ARMC3: variants seen among roughly 807,000 people sequenced by gnomAD.
ARMC3 encodes the protein armadillo repeat-containing protein 3.
ARMC3 carries 74 observed loss-of-function variants against 90.3 expected under a neutral mutation model. That is an observed-to-expected ratio of 0.82 (90% confidence interval 0.68 to 0.99). The LOEUF (loss-of-function observed/expected upper bound fraction) is 0.99, where lower values mean the gene tolerates loss of function less well. Ranked by LOEUF, ARMC3 falls within the 50% of genes least tolerant of loss-of-function variation. ARMC3 has a pLI of 0.00. For missense variants in ARMC3, 958 were observed against 1,042.8 expected (o/e 0.92, Z 1.12); for synonymous variants, 334 against 361.8 (o/e 0.92, Z 0.87).
intron 8 of ARMC3, among the ~76,000 whole-genome samples, chr10:22,973,753 C>CTTTTTTTTTTT (rs56405413): frequency 8.4e-4 from 67 of 79,926 alleles, no homozygotes; most frequent in African/African-American, 1.4e-3. Context: ...CTTTGTCTTT[C>CTTTTTTTTTTT]TTTTTTTTTT....
intron 18 of ARMC3, among the ~76,000 whole-genome samples, chr10:23,036,034 A>G (rs1839113504): frequency 6.6e-6 from 1 of 152,170 alleles, no homozygotes; most frequent in Non-Finnish European, 1.5e-5. Flanking sequence ...ACATACCATG[A>G]CCTTAGGAAA....
chr10:22,971,456 T>C (rs1835681428), intron 8 of ARMC3, among the ~76,000 whole-genome samples: 1 of 150,682 alleles, frequency 6.6e-6, no homozygotes, highest in African/African-American at 2.4e-5. Context: ...TTTTTTTTTT[T>C]TTTTGAGACA....
intron 10 of ARMC3, among the ~76,000 whole-genome samples, chr10:22,984,174 G>C (rs966182104): frequency 6.6e-6 from 1 of 152,290 alleles, no homozygotes; most frequent in East Asian, 1.9e-4. Flanking sequence ...ATTTCGTGTA[G>C]TTAAAACGTA....
intron 2 of ARMC3, among the ~76,000 whole-genome samples, chr10:22,936,745 TAAAA>T (rs932745221): frequency 1.3e-5 from 2 of 152,054 alleles, no homozygotes; most frequent in African/African-American, 4.8e-5. Context: ...CCCTTTTTAA[TAAAA>T]AAATTACTAT....
intron 3 of ARMC3, among the ~76,000 whole-genome samples, chr10:22,950,946 T>C (rs892607100): frequency 6.6e-6 from 1 of 151,624 alleles, no homozygotes; most frequent in African/African-American, 2.4e-5. Flanking sequence ...ATCTTTTTTT[T>C]TTTTTTTTTG....
chr10:22,948,702 G>T (rs974364657), intron 3 of ARMC3, among the ~76,000 whole-genome samples: 2 of 151,976 alleles, frequency 1.3e-5, no homozygotes, highest in South Asian at 2.1e-4. Context: ...TCAGATTTTT[G>T]ACTTTAGAGA....
chr10:22,998,089 T>C (rs1837080416), intron 10 of ARMC3, 59 bp from the exon 11 acceptor site: 1 of 1,576,498 alleles, frequency 6.3e-7, no homozygotes, highest in Non-Finnish European at 8.6e-7. Context: ...AGTTGCATGC[T>C]CCAAAGATAA....
At chr10:22,960,854 A>G (rs1835160440) in intron 6 of ARMC3, 1 of 152,100 alleles carries the variant, frequency 6.6e-6, no homozygotes, top group South Asian at 2.1e-4. Flanking sequence ...TCCCAGCTTC[A>G]TGTAGTGGCC....
At chr10:22,983,953 G>A (rs978982558) in intron 10 of ARMC3, among the ~76,000 whole-genome samples, 2 of 152,086 alleles carry the variant, frequency 1.3e-5, no homozygotes, top group African/African-American at 4.8e-5. Context: ...TTTTAGTAGC[G>A]GTCCATTCAA....
chr10:22,934,859 G>A (rs748984054), intron 2 of ARMC3, among the ~76,000 whole-genome samples: 1 of 152,144 alleles, frequency 6.6e-6, no homozygotes, highest in Non-Finnish European at 1.5e-5. Context: ...CTACAGAACT[G>A]AGTAAGTTTG....
At chr10:22,994,612 A>C (rs1014474095) in intron 10 of ARMC3, among the ~76,000 whole-genome samples, 2 of 152,040 alleles carry the variant, frequency 1.3e-5, no homozygotes, top group Non-Finnish European at 2.9e-5. Context: ...AAACCGTGAA[A>C]GTTTTAAGTA....
chr10:22,970,016 T>C (rs1482434695), intron 8 of ARMC3, among the ~76,000 whole-genome samples: 1 of 152,098 alleles, frequency 6.6e-6, no homozygotes, highest in Non-Finnish European at 1.5e-5. Flanking sequence ...CTATAACTTC[T>C]CCAGAACAAT....
intron 16 of ARMC3, among the ~76,000 whole-genome samples, chr10:23,022,402 G>A (rs552864676): frequency 1.1e-4 from 16 of 152,242 alleles, no homozygotes; most frequent in African/African-American, 3.6e-4. Flanking sequence ...CTGCTAAATA[G>A]AACTATTAAC....
At position 23,028,144 on chromosome 10, in the gene ARMC3, AAAAC is replaced by A. The variant is rs1838788621; in HGVS notation, c.2046-2444_2046-2441del. On this transcript the variant is annotated intron_variant, in intron 16 of 18. Coordinates refer to ENST00000298032, the MANE Select transcript of ARMC3 (RefSeq NM_173081.5). ...GGGCAACAAGTGAAACCCTGTCTCA[AAAAC>A]AAACAAAGAACAACAACAACAACAA... Among the ~76,000 whole-genome samples the A allele has an allele frequency of 2.0e-5, 3 of 152,162 alleles. No individual in the cohort carries two copies. In the South Asian group the frequency reaches 6.2e-4, roughly 32 times the overall value.
chr10:22,983,680 G>C (rs576552982), intron 10 of ARMC3, among the ~76,000 whole-genome samples: 1 of 152,172 alleles, frequency 6.6e-6, no homozygotes, highest in Non-Finnish European at 1.5e-5. Flanking sequence ...CTTTTGAGGA[G>C]GATATGGAAT....
chr10:23,032,815 C>A (rs375753111), intron 17 of ARMC3, 46 bp from the exon 18 acceptor site: 1 of 1,554,174 alleles, frequency 6.4e-7, no homozygotes. Flanking sequence ...GCATCCTAAG[C>A]GAGTTATTAA....
chr10:23,008,047 T>C (rs1308477547), intron 14 of ARMC3, among the ~76,000 whole-genome samples: 4 of 152,154 alleles, frequency 2.6e-5, no homozygotes. Flanking sequence ...AAGGCTGCAG[T>C]GAGCCATCAT....
intron 2 of ARMC3, among the ~76,000 whole-genome samples, chr10:22,941,861 C>T (rs572010051): frequency 2.0e-5 from 3 of 152,262 alleles, no homozygotes; most frequent in East Asian, 3.9e-4. Flanking sequence ...ATCAAGTTTA[C>T]AAAAGAAATG....
At chr10:23,001,680 C>T (rs1429259208) in intron 11 of ARMC3, among the ~76,000 whole-genome samples, 5 of 152,144 alleles carry the variant, frequency 3.3e-5, no homozygotes, top group South Asian at 4.1e-4. Flanking sequence ...CCCCGTCCCA[C>T]GTAAAATCAG....
Sources: gnomAD v4.1 joint callset for allele counts (sites outside exome capture counted in the v4.1 genomes callset) on GRCh38, gnomAD v4.1.1 for gene constraint, MANE v1.5 for transcripts, NCBI Gene and HGNC (gene_info 2026-07-23, HGNC 2026-07-21) for gene names.